The following UBN2 variants were observed in gnomAD, a reference collection of about 807,000 sequenced individuals.
The protein encoded by UBN2 is ubinuclein-2.
Under a neutral mutation model 120.2 loss-of-function variants are expected in UBN2, and 35 were observed. The observed-to-expected ratio is 0.29, with a 90% confidence interval of 0.22 to 0.39. The LOEUF (loss-of-function observed/expected upper bound fraction) is 0.39, where lower values mean the gene tolerates loss of function less well. Ranked by LOEUF, UBN2 falls within the 10% of genes least tolerant of loss-of-function variation. The pLI is 1.00. For synonymous variants in UBN2, 661 were observed against 648.7 expected (o/e 1.02, Z -0.29); for missense variants, 1,693 against 1,663.2 (o/e 1.02, Z -0.31).
intron 2 of UBN2, among the ~76,000 whole-genome samples, chr7:139,239,740 A>G (rs530337058): frequency 6.6e-6 from 1 of 151,940 alleles, no homozygotes; most frequent in Non-Finnish European, 1.5e-5. Flanking sequence ...TGTATTTAGT[A>G]GAGATAGGGT....
intron 1 of UBN2, among the ~76,000 whole-genome samples, chr7:139,232,915 A>G (rs545380393): frequency 8.7e-4 from 133 of 152,312 alleles, no homozygotes; most frequent in South Asian, 3.3e-3. Flanking sequence ...CTTCAGAAGT[A>G]AGTTAGAAAA....
In UBN2 at chr7:139,306,769, A is replaced by G. The variant is rs1798365900; in HGVS notation, c.*8933A>G. On this transcript the variant is annotated 3_prime_UTR_variant, in exon 18 of 18. Coordinates refer to ENST00000473989, the MANE Select transcript of UBN2 (RefSeq NM_173569.4). ...TGCCCTTGGATTTCACTTGTTAAAC[A>G]CCCTCAAACTTAAAAGAAGAAAATA... 1 of 152,214 alleles carries G rather than the reference A, an allele frequency of 6.6e-6. No homozygotes were observed. Among genetic ancestry groups the G allele is most frequent in the African/African-American group, 2.4e-5 (1 of 41,456 alleles). 9.4% of individuals were successfully genotyped at this position (152,214 alleles called of 1,614,324 possible). A position where few individuals can be genotyped will look rare whatever the true frequency, so the allele number is the denominator to read the frequency against.
At chr7:139,234,950 AT>A (rs1010445896) in intron 1 of UBN2, among the ~76,000 whole-genome samples, 27 of 151,938 alleles carry the variant, frequency 1.8e-4, no homozygotes, top group African/African-American at 6.5e-4. Flanking sequence ...TAATTTTCAG[AT>A]TTTTTTTCAC....
chr7:139,268,010 C>T (rs1323492637), intron 7 of UBN2, among the ~76,000 whole-genome samples: 1 of 152,202 alleles, frequency 6.6e-6, no homozygotes, highest in African/African-American at 2.4e-5. Context: ...ACCTGGGAAC[C>T]CGAAGTGTGA....
chr7:139,277,020 G>A (rs1797462063), intron 12 of UBN2: 1 of 150,098 alleles, frequency 6.7e-6, no homozygotes, highest in African/African-American at 2.4e-5. Context: ...TGGAGATCAT[G>A]CCACCGCCCT....
chr7:139,275,976 CTT>C (rs1327154654), intron 11 of UBN2, 119 bp from the exon 12 acceptor site: 2 of 766,188 alleles, frequency 2.6e-6, no homozygotes, highest in African/African-American at 1.8e-5. Flanking sequence ...ACCATTATAA[CTT>C]TTACTTGGTA....
chr7:139,320,839 G>C, the UBN2 span, among the ~76,000 whole-genome samples: 2 of 149,130 alleles, frequency 1.3e-5, no homozygotes, highest in Admixed American at 1.3e-4. Flanking sequence ...TTGGGCGACA[G>C]AGTGAGACTC....
At chr7:139,322,977 A>T in the UBN2 span, among the ~76,000 whole-genome samples, 4 of 151,916 alleles carry the variant, frequency 2.6e-5, no homozygotes, top group Admixed American at 6.6e-5. Context: ...GGAATCACTC[A>T]CTCTCTCCTT....
At chr7:139,233,728 T>C (rs370641900) in intron 1 of UBN2, among the ~76,000 whole-genome samples, 2 of 152,200 alleles carry the variant, frequency 1.3e-5, no homozygotes, top group East Asian at 3.8e-4. Flanking sequence ...ATTATGTCTC[T>C]GTTTATGCTG....
In UBN2 at chr7:139,261,591, T is replaced by A; in HGVS notation, c.1245T>A (p.Ala415=). The A allele has an allele frequency of 6.2e-7, 1 of 1,614,196 alleles. No individual in the cohort carries two copies. The highest frequency in any genetic ancestry group is 8.5e-7 in the Non-Finnish European group (1 of 1,180,032). ...ACTTCGACAGATTACTGGATGCTGC[T>A]TCTGATGGTAGCCCCCTATCTGAGT... The part of the protein sequence containing the change: ...DFDFDRLLDA[A]SDGSPLSESG... Residue 415 remains alanine (A), a synonymous_variant, in exon 6 of 18, where the codon GCT becomes GCA. Transcript: ENST00000473989.
chr7:139,252,805 A>G (rs1796656814), intron 3 of UBN2, among the ~76,000 whole-genome samples: 1 of 152,232 alleles, frequency 6.6e-6, no homozygotes, highest in African/African-American at 2.4e-5. Flanking sequence ...GAGAAAAAGG[A>G]AAATCAAATG....
intron 2 of UBN2, among the ~76,000 whole-genome samples, chr7:139,247,168 CAAAA>C (rs896085573): frequency 6.7e-6 from 1 of 149,028 alleles, no homozygotes; most frequent in African/African-American, 2.5e-5. Flanking sequence ...AAAAAAAAAA[CAAAA>C]AACTACCAAA....
chr7:139,232,334 A>G (rs1261065601), intron 1 of UBN2, among the ~76,000 whole-genome samples: 2 of 152,200 alleles, frequency 1.3e-5, no homozygotes, highest in Admixed American at 6.5e-5. Context: ...CTGTCGTTCC[A>G]GTAGAAAGGA....
At chr7:139,317,657 T>A in the UBN2 span, among the ~76,000 whole-genome samples, 1 of 151,946 alleles carries the variant, frequency 6.6e-6, no homozygotes, top group African/African-American at 2.4e-5. Flanking sequence ...CTATTCTTGT[T>A]GTTTTGGTTT....
chr7:139,295,840 A>G (rs951581035), intron 17 of UBN2, among the ~76,000 whole-genome samples: 2 of 152,086 alleles, frequency 1.3e-5, no homozygotes, highest in Non-Finnish European at 2.9e-5. Flanking sequence ...AGGATCACCT[A>G]CACCTGGGAG....
intron 2 of UBN2, among the ~76,000 whole-genome samples, chr7:139,237,856 G>T (rs1468881627): frequency 6.6e-6 from 1 of 152,088 alleles, no homozygotes; most frequent in Middle Eastern, 3.2e-3. Flanking sequence ...GAGAGTGAAT[G>T]TGTGTACTTC....
chr7:139,273,506 G>A, intron 10 of UBN2, 96 bp downstream of exon 10: 2 of 854,808 alleles, frequency 2.3e-6, no homozygotes, highest in Non-Finnish European at 3.4e-6. Context: ...TAGATTGGAA[G>A]CAACCAAAGA....
intron 13 of UBN2, among the ~76,000 whole-genome samples, chr7:139,281,207 G>GT (rs930562596): frequency 6.6e-6 from 1 of 152,106 alleles, no homozygotes; most frequent in Non-Finnish European, 1.5e-5. Context: ...GGAGTCATCA[G>GT]TTTTTTTGTA....
At chr7:139,326,126 T>C in the UBN2 span, among the ~76,000 whole-genome samples, 1 of 152,048 alleles carries the variant, frequency 6.6e-6, no homozygotes, top group South Asian at 2.1e-4. Flanking sequence ...CGTGGTGGTG[T>C]GTACCTGTAG....
Sources: allele counts gnomAD v4.1 joint callset (sites outside exome capture counted in the v4.1 genomes callset), GRCh38; gene constraint gnomAD v4.1.1; transcripts MANE v1.5; gene names NCBI Gene and HGNC (gene_info 2026-07-23, HGNC 2026-07-21).